ADGRA3: variants seen among roughly 807,000 people sequenced by gnomAD.
The protein encoded by ADGRA3 is adhesion G protein-coupled receptor A3, also known as G-protein coupled receptor 125.
ADGRA3 carries 56 observed loss-of-function variants against 119.8 expected under a neutral mutation model. That is an observed-to-expected ratio of 0.47 (90% CI 0.38 to 0.58). ADGRA3 has a LOEUF of 0.58. Among genes scored for constraint, ADGRA3 ranks in the 20% least tolerant of loss-of-function variants. ADGRA3 has a pLI of 0.00. For missense variants in ADGRA3, 1,516 were observed against 1,649.0 expected, an observed-to-expected ratio of 0.92 and a Z score of 1.40; for synonymous variants, 607 against 623.8, an observed-to-expected ratio of 0.97 and a Z score of 0.40.
At chr4:22,391,984 T>A (rs1577318982) in intron 17 of ADGRA3, among the ~76,000 whole-genome samples, 1 of 152,162 alleles carries the variant, frequency 6.6e-6, no homozygotes, top group Non-Finnish European at 1.5e-5. Context: ...TCCTGCAGAC[T>A]ATAAACTCCC....
chr4:22,504,414 C>T (rs1017335563), intron 1 of ADGRA3, among the ~76,000 whole-genome samples: 8 of 152,162 alleles, frequency 5.3e-5, no homozygotes, highest in Non-Finnish European at 7.3e-5. Context: ...GAAAATCTCG[C>T]GTCTCTCCAA....
chr4:22,471,735 T>C (rs1022465743), intron 2 of ADGRA3, among the ~76,000 whole-genome samples: 6 of 152,052 alleles, frequency 3.9e-5, no homozygotes, highest in South Asian at 2.1e-4. Context: ...ACTAATAAAA[T>C]GGTCTTTCAA....
chr4:22,425,484 G>A (rs981067216), intron 10 of ADGRA3, among the ~76,000 whole-genome samples: 19 of 152,194 alleles, frequency 1.2e-4, no homozygotes, highest in Non-Finnish European at 7.3e-5. Flanking sequence ...CTAATGAGAC[G>A]TACTGGTGTC....
At chr4:22,436,296 C>T in intron 9 of ADGRA3, 144 bp downstream of exon 9, 1 of 640,540 alleles carries the variant, frequency 1.6e-6, no homozygotes, top group East Asian at 2.7e-5. Context: ...GGACCTGATC[C>T]TGAAGACAGT....
intron 3 of ADGRA3, among the ~76,000 whole-genome samples, chr4:22,461,206 G>T (rs995208764): frequency 6.6e-6 from 1 of 152,242 alleles, no homozygotes; most frequent in Non-Finnish European, 1.5e-5. Context: ...ACATGGTAAT[G>T]ATTTTAGTAG....
chr4:22,489,770 C>T (rs1434192490), intron 1 of ADGRA3, among the ~76,000 whole-genome samples: 1 of 152,108 alleles, frequency 6.6e-6, no homozygotes, highest in African/African-American at 2.4e-5. Flanking sequence ...GTATATTCTG[C>T]CTTCCCAAAC....
chr4:22,504,106 G>C (rs1014385661), intron 1 of ADGRA3, among the ~76,000 whole-genome samples: 1 of 152,050 alleles, frequency 6.6e-6, no homozygotes, highest in African/African-American at 2.4e-5. Context: ...GGATAATTTA[G>C]CCTTCTGTGT....
At chr4:22,443,380 AAAAAT>A (rs1252305913) in intron 6 of ADGRA3, among the ~76,000 whole-genome samples, 2 of 152,218 alleles carry the variant, frequency 1.3e-5, no homozygotes, top group African/African-American at 2.4e-5. Context: ...TTTCAGTCAG[AAAAAT>A]AAAATATTTT....
At chr4:22,414,596 C>G in intron 12 of ADGRA3, 1 of 698,326 alleles carries the variant, frequency 1.4e-6, no homozygotes, top group Non-Finnish European at 2.6e-6. Context: ...CCATATTCAC[C>G]GGAATTTCCC....
intron 1 of ADGRA3, among the ~76,000 whole-genome samples, chr4:22,499,359 G>A (rs995620406): frequency 1.1e-4 from 16 of 152,222 alleles, no homozygotes; most frequent in Admixed American, 3.9e-4. Flanking sequence ...AGTCAGGAAA[G>A]TGAAGGCCAG....
intron 1 of ADGRA3, among the ~76,000 whole-genome samples, chr4:22,502,864 T>C (rs767414438): frequency 1.4e-4 from 18 of 129,740 alleles, no homozygotes; most frequent in Non-Finnish European, 2.7e-4. Context: ...ATAAGACTAA[T>C]GCAAGATTCT....
At position 22,397,091 on chromosome 4, in the gene ADGRA3, C is replaced by T. The variant is rs952822245; in HGVS notation, c.2481+4340G>A. On this transcript the variant is annotated intron_variant, in intron 16 of 18. Coordinates refer to ENST00000334304, the MANE Select transcript of ADGRA3 (RefSeq NM_145290.4). The stretch of plus-strand genomic sequence containing the variant: ...AGAGGCTTCTTTTTGTTCATTCACC[C>T]AGTAAACATTTGCCCAGCATCTATT... 3.9e-5 allele frequency among the ~76,000 whole-genome samples: 6 copies of T among 151,976 alleles called. No individual in the cohort carries two copies. The South Asian group carries it at 1.0e-3, about 26-fold the overall frequency.
chr4:22,432,428 GA>G (rs34560175), intron 10 of ADGRA3, among the ~76,000 whole-genome samples: 1 of 151,492 alleles, frequency 6.6e-6, no homozygotes, highest in Non-Finnish European at 1.5e-5. Context: ...GTAAGATCAA[GA>G]AAAAAAAGAA....
At position 22,497,252 on chromosome 4, in the gene ADGRA3, A is replaced by G. The variant is rs148891470; in HGVS notation, c.257+18276T>C. ...GCAAGAAAAATAACACTGTGATATA[A>G]TAAAGAATCTGCACACTGTCCATAA... On this transcript the variant is annotated intron_variant, in intron 1 of 18. Transcript: ENST00000334304. Among the ~76,000 whole-genome samples the G allele has an allele frequency of 6.4e-4, 97 of 152,324 alleles. 1 individual carries two copies. Among genetic ancestry groups the G allele is most frequent in the African/African-American group, 2.2e-3 (90 of 41,568 alleles).
At chr4:22,442,505 C>G (rs1716654636) in intron 7 of ADGRA3, 145 bp downstream of exon 7, 1 of 514,816 alleles carries the variant, frequency 1.9e-6, no homozygotes, top group Non-Finnish European at 3.4e-6. Flanking sequence ...GAATAAGAAC[C>G]AGGAAAAGGA....
chr4:22,425,437 C>T (rs527654596), intron 10 of ADGRA3, among the ~76,000 whole-genome samples: 3 of 152,276 alleles, frequency 2.0e-5, no homozygotes, highest in East Asian at 1.9e-4. Flanking sequence ...ATAACTCATA[C>T]GTCTCACCTG....
intron 1 of ADGRA3, among the ~76,000 whole-genome samples, chr4:22,487,905 C>A (rs539757002): frequency 2.6e-5 from 4 of 152,160 alleles, no homozygotes; most frequent in Admixed American, 2.6e-4. Context: ...AGCTGCCAGG[C>A]GCCTGGGAAG....
At chr4:22,455,206 A>G (rs1033077853) in intron 3 of ADGRA3, among the ~76,000 whole-genome samples, 1 of 152,222 alleles carries the variant, frequency 6.6e-6, no homozygotes, top group African/African-American at 2.4e-5. Context: ...AAATTACTCA[A>G]GATAAAACTG....
Position 22,470,441 on chromosome 4 carries a change from G to A in ADGRA3, c.329+3331C>T, listed in dbSNP as rs116103742. Among the ~76,000 whole-genome samples, 943 of 151,958 alleles carry A rather than the reference G, an allele frequency of 6.2e-3. 10 individuals are homozygous for A. The highest frequency in any genetic ancestry group is 0.021 in the African/African-American group (882 of 41,432). On this transcript the variant is annotated intron_variant, in intron 2 of 18. Coordinates refer to ENST00000334304, the MANE Select transcript of ADGRA3 (RefSeq NM_145290.4). The stretch of plus-strand genomic sequence containing the variant: ...AATGGGTCATGTTCATTAGTTCAAC[G>A]GAGCCAGCTCTTACTATCTCAGCCC...
Sources: gnomAD v4.1 joint callset for allele counts (sites outside exome capture counted in the v4.1 genomes callset) on GRCh38, gnomAD v4.1.1 for gene constraint, MANE v1.5 for transcripts, NCBI Gene and HGNC (gene_info 2026-07-23, HGNC 2026-07-21) for gene names.